CSMD1: variants seen among roughly 807,000 people sequenced by gnomAD.
The protein encoded by CSMD1 is CUB and sushi domain-containing protein 1.
Under a neutral mutation model 417.5 loss-of-function variants are expected in CSMD1, and 213 were observed. The observed-to-expected ratio is 0.51, with a 90% CI of 0.46 to 0.57. CSMD1 has a LOEUF of 0.57. Among genes scored for constraint, CSMD1 ranks in the 20% least tolerant of loss-of-function variants. The pLI is 0.00. For missense variants in CSMD1, 6,923 were observed against 4,529.7 expected, an observed-to-expected ratio of 1.53 and a Z score of -15.17; for synonymous variants, 2,862 against 1,736.8, an observed-to-expected ratio of 1.65 and a Z score of -16.11.
chr8:4,033,284 C>CA lies in CSMD1; in HGVS notation c.416-1186dup, dbSNP rs1237104464. The stretch of plus-strand genomic sequence containing the variant: ...TGAAACCCTGTCTCTACTAAAAATA[C>CA]AAAAAAAATTAGCCGGGCGTGGTGG... On this transcript the variant is annotated intron_variant, in intron 3 of 69. Coordinates refer to ENST00000635120, the MANE Select transcript of CSMD1 (RefSeq NM_033225.6). Among the ~76,000 whole-genome samples, 219 of 151,340 alleles carry CA rather than the reference C, an allele frequency of 1.4e-3. 1 individual carries two copies. Among genetic ancestry groups the CA allele is most frequent in the African/African-American group, 4.8e-3 (200 of 41,276 alleles).
chr8:4,273,099 A>G (rs911913998), intron 3 of CSMD1, among the ~76,000 whole-genome samples: 5 of 152,164 alleles, frequency 3.3e-5, no homozygotes, highest in Non-Finnish European at 1.5e-5. Context: ...AAAAATATAA[A>G]CAAATGAAAG....
intron 5 of CSMD1, among the ~76,000 whole-genome samples, chr8:3,821,483 C>G (rs1363507297): frequency 2.0e-5 from 3 of 147,816 alleles, no homozygotes; most frequent in Non-Finnish European, 3.1e-5. Flanking sequence ...ATTTTTGGCT[C>G]CATTAAAGTC....
chr8:4,109,669 C>T (rs1046049264), intron 3 of CSMD1, among the ~76,000 whole-genome samples: 2 of 152,092 alleles, frequency 1.3e-5, no homozygotes, highest in Admixed American at 6.5e-5. Flanking sequence ...TGTCCATTAT[C>T]ATTAAATAAT....
At chr8:3,697,009 T>A (rs1466717628) in intron 7 of CSMD1, among the ~76,000 whole-genome samples, 1 of 152,064 alleles carries the variant, frequency 6.6e-6, no homozygotes, top group Non-Finnish European at 1.5e-5. Flanking sequence ...AGGTCATGGG[T>A]TCTGGTGAAT....
intron 3 of CSMD1, among the ~76,000 whole-genome samples, chr8:4,366,121 T>A (rs527286931): frequency 1.3e-5 from 2 of 152,240 alleles, no homozygotes; most frequent in South Asian, 2.1e-4. Flanking sequence ...TGTTGTTCCC[T>A]ACTTTGTGTC....
chr8:3,965,398 T>A (rs1812612804), intron 5 of CSMD1, among the ~76,000 whole-genome samples: 1 of 152,172 alleles, frequency 6.6e-6, no homozygotes, highest in African/African-American at 2.4e-5. Context: ...ATACATTGCC[T>A]TAGAGACATG....
chr8:4,097,059 A>C (rs1025854276), intron 3 of CSMD1, among the ~76,000 whole-genome samples: 3 of 152,140 alleles, frequency 2.0e-5, no homozygotes, highest in Non-Finnish European at 4.4e-5. Flanking sequence ...CTCATTCATA[A>C]ATGTTTACTC....
At chr8:4,179,175 C>G (rs577763137) in intron 3 of CSMD1, among the ~76,000 whole-genome samples, 4 of 152,280 alleles carry the variant, frequency 2.6e-5, no homozygotes, top group Admixed American at 6.5e-5. Flanking sequence ...TGACTTCAAA[C>G]TATACTACAA....
Position 3,644,111 on chromosome 8 carries a change from C to G in CSMD1, c.1010-27314G>C, listed in dbSNP as rs79869427. Among the ~76,000 whole-genome samples, 990 of 152,298 alleles carry G rather than the reference C, an allele frequency of 6.5e-3. 12 individuals are homozygous for G. Among genetic ancestry groups the G allele is most frequent in the African/African-American group, 0.023 (940 of 41,558 alleles). ...CAGCCCTTCTACACCAGAAACATCA[C>G]CATCACCTGGGAAGTTGTTATCAAT... On this transcript the variant is annotated intron_variant, in intron 7 of 69. Transcript: ENST00000635120.
In CSMD1 at chr8:4,378,915, C is replaced by T. The variant is rs1802923286; in HGVS notation, c.415+41038G>A. 1.3e-5 allele frequency among the ~76,000 whole-genome samples: 2 copies of T among 152,170 alleles called. 1 individual carries two copies. Among genetic ancestry groups the T allele is most frequent in the South Asian group, 4.1e-4 (2 of 4,830 alleles). ...TCCGCAATGCTTGGGTCTTGGACTT[C>T]CCAGCCCCTGGAATTGTGATAAATT... On this transcript the variant is annotated intron_variant, in intron 3 of 69. Coordinates refer to ENST00000635120, the MANE Select transcript of CSMD1 (RefSeq NM_033225.6).
At chr8:4,156,821 G>T (rs773054821) in intron 3 of CSMD1, among the ~76,000 whole-genome samples, 3 of 152,086 alleles carry the variant, frequency 2.0e-5, no homozygotes, top group African/African-American at 7.3e-5. Flanking sequence ...CGAGCAGCAA[G>T]TACTATGAAC....
At chr8:3,476,119 G>C (rs184377545) in intron 11 of CSMD1, among the ~76,000 whole-genome samples, 2 of 152,290 alleles carry the variant, frequency 1.3e-5, no homozygotes, top group African/African-American at 2.4e-5. Context: ...GAGGTGGGAA[G>C]ACTATTTGAG....
At chr8:3,490,289 T>A (rs956429102) in intron 11 of CSMD1, among the ~76,000 whole-genome samples, 3 of 152,214 alleles carry the variant, frequency 2.0e-5, no homozygotes, top group Non-Finnish European at 2.9e-5. Flanking sequence ...TTCAAGCTAT[T>A]GAGAGAAGGC....
chr8:2,998,180 G>C lies in CSMD1; in HGVS notation c.8208C>G (p.Ile2736Met). The C allele has an allele frequency of 6.2e-7, 1 of 1,613,860 alleles. No homozygotes were observed. Among genetic ancestry groups the C allele is most frequent in the Non-Finnish European group, 8.5e-7 (1 of 1,179,764 alleles). ...WSGQTPVCVP[I>M]TCGHPGNPAH... ...CAGGGTTTCCAGGGTGACCACATGT[G>C]ATGGCTGTAGAGAGACAGGTCAACG... Residue 2736 changes from isoleucine to methionine, a missense_variant, in exon 54 of 70, where the codon ATC (isoleucine) becomes ATG (methionine). Transcript: ENST00000635120.
Position 3,474,294 on chromosome 8 carries a change from A to T in CSMD1, c.1449-5470T>A, listed in dbSNP as rs118189108. Among the ~76,000 whole-genome samples, 463 of 152,350 alleles carry T rather than the reference A, an allele frequency of 3.0e-3. 1 individual carries two copies. Among genetic ancestry groups the T allele is most frequent in the Non-Finnish European group, 3.5e-3 (238 of 68,042 alleles). On this transcript the variant is annotated intron_variant, in intron 11 of 69. Transcript: ENST00000635120. ...TGTTTCAAGTATATGATAATCATAC[A>T]AATGCAGGACAATAAACAATGCAAT...
chr8:3,405,950 T>G, intron 15 of CSMD1, 77 bp downstream of exon 15: 3 of 1,382,514 alleles, frequency 2.2e-6, no homozygotes, highest in Non-Finnish European at 3.0e-6. Context: ...GCTAACACAG[T>G]TTGTTGGTTT....
intron 26 of CSMD1, among the ~76,000 whole-genome samples, chr8:3,275,789 T>A (rs1346786867): frequency 6.6e-6 from 1 of 152,196 alleles, no homozygotes; most frequent in Non-Finnish European, 1.5e-5. Flanking sequence ...TCAGCTCCTT[T>A]AAGCACTTCT....
intron 7 of CSMD1, among the ~76,000 whole-genome samples, chr8:3,626,309 AG>A (rs1796490868): frequency 6.6e-6 from 1 of 152,196 alleles, no homozygotes; most frequent in Non-Finnish European, 1.5e-5. Flanking sequence ...ACTCAGAAAT[AG>A]TTTTGGGGGC....
intron 3 of CSMD1, among the ~76,000 whole-genome samples, chr8:4,352,100 T>C (rs1218048871): frequency 6.6e-6 from 1 of 152,166 alleles, no homozygotes; most frequent in African/African-American, 2.4e-5. Flanking sequence ...CTGGAATACT[T>C]TGTAAATTAG....
Sources: gnomAD v4.1 joint callset for allele counts (sites outside exome capture counted in the v4.1 genomes callset) on GRCh38, gnomAD v4.1.1 for gene constraint, MANE v1.5 for transcripts, NCBI Gene and HGNC (gene_info 2026-07-23, HGNC 2026-07-21) for gene names.